The following CD36 variants were observed in gnomAD, a reference collection of about 807,000 sequenced individuals.
The protein encoded by CD36 is platelet glycoprotein 4.
Under a neutral mutation model 55.2 loss-of-function variants are expected in CD36, and 119 were observed. That is an observed-to-expected ratio of 2.15 (90% confidence interval 1.86 to 2.51). The LOEUF (loss-of-function observed/expected upper bound fraction) is 2.51. Among genes scored for constraint, CD36 ranks in the 30% most tolerant of loss-of-function variants. The probability of loss-of-function intolerance (pLI) is 0.00; values close to 1 mark genes in which losing one functional copy is unlikely to be tolerated. For synonymous variants in CD36, 186 were observed against 193.6 expected (o/e 0.96, Z 0.33); for missense variants, 819 against 555.5 (o/e 1.47, Z -4.77).
chr7:80,606,850 A>G (rs1177291169), intron 1 of CD36, among the ~76,000 whole-genome samples: 1 of 152,134 alleles, frequency 6.6e-6, no homozygotes, highest in East Asian at 1.9e-4. Flanking sequence ...GCTGGTGGTA[A>G]AAGTACAGGC....
intron 1 of CD36, chr7:80,639,913 A>G (rs1427407584): frequency 6.6e-6 from 1 of 152,060 alleles, no homozygotes; most frequent in African/African-American, 2.4e-5. Context: ...TGGGAAGAAT[A>G]TTAATTACAA....
chr7:80,667,146 G>A (rs1797166600), intron 8 of CD36, among the ~76,000 whole-genome samples: 1 of 152,124 alleles, frequency 6.6e-6, no homozygotes, highest in Non-Finnish European at 1.5e-5. Flanking sequence ...AGCAATGGGA[G>A]GCTGGTCACA....
At chr7:80,667,574 A>T (rs1797211958) in intron 8 of CD36, among the ~76,000 whole-genome samples, 1 of 152,082 alleles carries the variant, frequency 6.6e-6, no homozygotes, top group Admixed American at 6.6e-5. Context: ...TATAACAAAG[A>T]TAAAGACACT....
Position 80,677,587 on chromosome 7 carries a change from A to G in CD36, c.*1204A>G, listed in dbSNP as rs565026107. ...AGCATACTTAGTGCCTTTCCTTTTA[A>G]CTGGGAAGATAAAAGAAGTATCTGT... On this transcript the variant is annotated 3_prime_UTR_variant, in exon 15 of 15. Transcript: ENST00000447544. 4 of 152,302 alleles carry G rather than the reference A, an allele frequency of 2.6e-5. No homozygotes were observed. The South Asian group carries it at 8.3e-4, about 32-fold the overall frequency. The allele number at this position is 152,302 out of a possible 1,614,324, so 9.4% of individuals were successfully genotyped here.
chr7:80,636,452 C>A (rs1383574759), upstream of CD36, among the ~76,000 whole-genome samples: 1 of 148,700 alleles, frequency 6.7e-6, no homozygotes, highest in Non-Finnish European at 1.5e-5. Context: ...CTTCCAATTA[C>A]AAGTCAATAT....
chr7:80,662,706 A>G (rs1041993830), intron 5 of CD36: 6 of 401,024 alleles, frequency 1.5e-5, no homozygotes, highest in African/African-American at 1.2e-4. Flanking sequence ...TAAGCCCCGT[A>G]TGCCTTAATG....
chr7:80,664,517 G>A lies in CD36; in HGVS notation c.701+20G>A. On this transcript the variant is annotated intron_variant, in intron 7 of 14. Coordinates refer to ENST00000447544, the MANE Select transcript of CD36 (RefSeq NM_001001548.3). Reference sequence around the variant, plus strand: ...TAAAAGGTAAGTATTCTGGTAAAATGTGCATGTATGTTACTAGGGTACTCT... The same window carrying A: ...TAAAAGGTAAGTATTCTGGTAAAATATGCATGTATGTTACTAGGGTACTCT... The A allele has an allele frequency of 3.2e-6, 4 of 1,237,864 alleles. No individual in the cohort carries two copies. Among genetic ancestry groups the A allele is most frequent in the South Asian group, 1.2e-5 (1 of 83,490 alleles). 76.7% of individuals were successfully genotyped at this position (1,237,864 alleles called of 1,614,324 possible).
At chr7:80,646,989 A>G (rs1584369844) in intron 3 of CD36, 129 bp downstream of exon 3, 1 of 966,022 alleles carries the variant, frequency 1.0e-6, no homozygotes, top group South Asian at 1.3e-5. Context: ...AAAGGTAATT[A>G]TGAACCACTG....
At chr7:80,642,540 C>A (rs1280120266) in intron 1 of CD36, among the ~76,000 whole-genome samples, 2 of 152,086 alleles carry the variant, frequency 1.3e-5, no homozygotes. Flanking sequence ...GGTGGTTCTC[C>A]TTTGCCTCAG....
upstream of CD36, chr7:80,636,925 T>A (rs58341739): frequency 1.3e-5 from 2 of 152,200 alleles, no homozygotes; most frequent in East Asian, 3.9e-4. Context: ...TTTGGACTGC[T>A]CATGGGACTC....
intron 11 of CD36, among the ~76,000 whole-genome samples, chr7:80,672,430 T>C (rs1248798782): frequency 1.3e-5 from 2 of 151,852 alleles, no homozygotes; most frequent in African/African-American, 4.8e-5. Context: ...TGTTTTAGTT[T>C]AAACAATGAC....
chr7:80,633,749 A>AATGT (rs1450366810), upstream of CD36, among the ~76,000 whole-genome samples: 3 of 152,048 alleles, frequency 2.0e-5, no homozygotes, highest in Admixed American at 2.0e-4. Context: ...TGTATGCCTA[A>AATGT]ATGTATGTAT....
Position 80,667,429 on chromosome 7 carries a change from C to CAAAAAAA in CD36, c.748+956_748+962dup. On this transcript the variant is annotated intron_variant, in intron 8 of 14. Transcript: ENST00000447544. ...TGGGCAATAGTGTGAGACCCTGTCT[C>CAAAAAAA]AAAAAAAAAAAAAAAAAAAAAAGTG... Among the ~76,000 whole-genome samples the CAAAAAAA allele has an allele frequency of 2.4e-5, 2 of 82,414 alleles. 1 individual carries two copies. Among genetic ancestry groups the CAAAAAAA allele is most frequent in the Non-Finnish European group, 4.7e-5 (2 of 42,772 alleles). The allele number at this position is 82,414 out of a possible 152,430, so 54.1% of individuals were successfully genotyped here.
Position 80,646,647 on chromosome 7 carries a change from G to T in CD36, c.-89-5G>T. 2 of 1,438,352 alleles carry T rather than the reference G, an allele frequency of 1.4e-6. No individual in the cohort carries two copies. Among genetic ancestry groups the T allele is most frequent in the South Asian group, 2.3e-5 (2 of 87,052 alleles). The allele number at this position is 1,438,352 out of a possible 1,614,324, so 89.1% of individuals were successfully genotyped here. On this transcript the variant is annotated splice_region_variant and splice_polypyrimidine_tract_variant and intron_variant, in intron 2 of 14. Transcript: ENST00000447544. ...TTCTGTTTTATGATCTCTTTCTAATGATAGAACCAGAGCTTGTAGAAACCA... is the reference window on the plus strand; with the variant it reads ...TTCTGTTTTATGATCTCTTTCTAATTATAGAACCAGAGCTTGTAGAAACCA...
intron 4 of CD36, among the ~76,000 whole-genome samples, chr7:80,660,044 A>T (rs1428936102): frequency 6.6e-6 from 1 of 152,158 alleles, no homozygotes; most frequent in East Asian, 1.9e-4. Context: ...CATTTTTATT[A>T]TAATGGAATA....
At chr7:80,661,564 G>A (rs572895304) in intron 5 of CD36, among the ~76,000 whole-genome samples, 12 of 152,056 alleles carry the variant, frequency 7.9e-5, no homozygotes, top group Non-Finnish European at 1.5e-4. Flanking sequence ...TATAATAAAA[G>A]GTTTCCAAAC....
rs1245760403 is a variant in CD36, at chr7:80,676,766, T to G, written c.*383T>G. On this transcript the variant is annotated 3_prime_UTR_variant, in exon 15 of 15. Transcript: ENST00000447544. ...GCGGTTTATATTTTAAGGACCTTCA[T>G]TCTCTGTTCTGCACCTCTTCTGGAA... 1 of 152,180 alleles carries G rather than the reference T, an allele frequency of 6.6e-6. No individual in the cohort carries two copies. The highest frequency in any genetic ancestry group is 2.4e-5 in the African/African-American group (1 of 41,436). The allele number at this position is 152,180 out of a possible 1,614,324, so 9.4% of individuals were successfully genotyped here.
chr7:80,675,464 T>A (rs1371313711), intron 14 of CD36, among the ~76,000 whole-genome samples: 2 of 151,770 alleles, frequency 1.3e-5, no homozygotes, highest in Non-Finnish European at 2.9e-5. Flanking sequence ...TGCTTAATGA[T>A]CCTTGGATGT....
At chr7:80,629,920 GA>G (rs973212566) in intron 1 of CD36, among the ~76,000 whole-genome samples, 5 of 146,860 alleles carry the variant, frequency 3.4e-5, no homozygotes, top group Admixed American at 2.7e-4. Flanking sequence ...TTGGTATCAT[GA>G]AAAAAAGTAT....
Sources: allele counts gnomAD v4.1 joint callset (sites outside exome capture counted in the v4.1 genomes callset), GRCh38; gene constraint gnomAD v4.1.1; transcripts MANE v1.5; gene names NCBI Gene and HGNC (gene_info 2026-07-23, HGNC 2026-07-21).